Variants in ANKS1B observed in about 807,000 individuals in gnomAD.
ANKS1B encodes ankyrin repeat and sterile alpha motif domain-containing protein 1B.
A neutral mutation model predicts 148.3 loss-of-function variants in ANKS1B; 36 were observed. The observed-to-expected ratio is 0.24, with a 90% confidence interval of 0.19 to 0.32. The LOEUF (loss-of-function observed/expected upper bound fraction) is 0.32. ANKS1B is among the 10% of genes least tolerant of loss of function. The pLI, the probability that ANKS1B is intolerant of heterozygous loss-of-function variation, is 1.00. For synonymous variants in ANKS1B, 542 were observed against 560.8 expected (o/e 0.97, Z 0.47); for missense variants, 1,157 against 1,542.6 (o/e 0.75, Z 4.19).
intron 16 of ANKS1B, among the ~76,000 whole-genome samples, chr12:99,066,668 A>G (rs1456408418): frequency 6.6e-6 from 1 of 152,190 alleles, no homozygotes; most frequent in Non-Finnish European, 1.5e-5. Context: ...AGGTCTTTTC[A>G]GAGGCTGTGG....
intron 1 of ANKS1B, among the ~76,000 whole-genome samples, chr12:99,900,195 G>A (rs2153766923): frequency 1.3e-5 from 2 of 151,234 alleles, no homozygotes; most frequent in African/African-American, 2.4e-5. Flanking sequence ...CACCACTCCT[G>A]GCATAACAGT....
At chr12:99,777,058 T>C (rs2063726235) in intron 6 of ANKS1B, among the ~76,000 whole-genome samples, 2 of 152,218 alleles carry the variant, frequency 1.3e-5, no homozygotes, top group African/African-American at 4.8e-5. Flanking sequence ...ATATGTGATA[T>C]ATACAAAGCA....
At chr12:98,915,454 C>T (rs538410263) in intron 17 of ANKS1B, among the ~76,000 whole-genome samples, 8 of 152,210 alleles carry the variant, frequency 5.3e-5, no homozygotes, top group African/African-American at 9.6e-5. Flanking sequence ...CAGGTTCAAG[C>T]GATCCTCCTG....
At chr12:99,866,062 A>G (rs1470988904) in intron 1 of ANKS1B, among the ~76,000 whole-genome samples, 1 of 152,198 alleles carries the variant, frequency 6.6e-6, no homozygotes, top group Admixed American at 6.5e-5. Flanking sequence ...CGCTCCAACA[A>G]AACTATTGTG....
At chr12:99,129,649 T>G (rs1464221307) in intron 15 of ANKS1B, among the ~76,000 whole-genome samples, 2 of 152,196 alleles carry the variant, frequency 1.3e-5, no homozygotes, top group African/African-American at 4.8e-5. Context: ...TCCTCCACCT[T>G]GCTGTCAGTC....
In ANKS1B at chr12:99,558,000, C is replaced by T. The variant is rs75323215; in HGVS notation, c.1273-53359G>A. On this transcript the variant is annotated intron_variant, in intron 9 of 26. Coordinates refer to ENST00000683438, the MANE Select transcript of ANKS1B (RefSeq NM_001352186.2). ...TTTACCATGCCCCCAGCTTTGTTCTCTGACCCCTTGCAGTTAAGAACCTGC... is the reference window on the plus strand; with the variant it reads ...TTTACCATGCCCCCAGCTTTGTTCTTTGACCCCTTGCAGTTAAGAACCTGC... 2.7e-3 allele frequency among the ~76,000 whole-genome samples: 408 copies of T among 152,292 alleles called. 17 individuals carry two copies. The East Asian group carries it at 0.069, about 26-fold the overall frequency.
At chr12:99,184,897 AT>A (rs1290472450) in intron 14 of ANKS1B, among the ~76,000 whole-genome samples, 1 of 152,250 alleles carries the variant, frequency 6.6e-6, no homozygotes, top group African/African-American at 2.4e-5. Flanking sequence ...CTCTGGTTAA[AT>A]GGAAATTGAT....
chr12:99,664,491 CCA>C (rs1805654168), intron 8 of ANKS1B, among the ~76,000 whole-genome samples: 3 of 151,878 alleles, frequency 2.0e-5, no homozygotes, highest in African/African-American at 7.3e-5. Flanking sequence ...GTAGAATCCT[CCA>C]CAGTCAGCGT....
chr12:99,664,785 G>A (rs1169797117), intron 8 of ANKS1B, among the ~76,000 whole-genome samples: 1 of 152,046 alleles, frequency 6.6e-6, no homozygotes, highest in African/African-American at 2.4e-5. Context: ...TTTGGCATAA[G>A]TTTTCTGTAA....
chr12:99,453,107 G>A (rs1362289630), intron 10 of ANKS1B, among the ~76,000 whole-genome samples: 2 of 152,070 alleles, frequency 1.3e-5, no homozygotes, highest in African/African-American at 2.4e-5. Context: ...TGGCTAACAT[G>A]GTGAAACCCC....
chr12:99,729,065 A>G (rs1204191193), intron 8 of ANKS1B, among the ~76,000 whole-genome samples: 1 of 152,252 alleles, frequency 6.6e-6, no homozygotes, highest in Non-Finnish European at 1.5e-5. Flanking sequence ...CTGAATCTGT[A>G]GTACCTCCAA....
intron 17 of ANKS1B, among the ~76,000 whole-genome samples, chr12:98,906,427 T>C (rs1186460182): frequency 6.6e-6 from 1 of 152,188 alleles, no homozygotes; most frequent in Non-Finnish European, 1.5e-5. Context: ...GAGAGCCCCA[T>C]GTTCCTGGGG....
intron 12 of ANKS1B, among the ~76,000 whole-genome samples, chr12:99,287,524 A>G (rs559046002): frequency 6.6e-6 from 1 of 152,338 alleles, no homozygotes; most frequent in African/African-American, 2.4e-5. Flanking sequence ...ACAAGCATTA[A>G]GACCATTCAG....
chr12:98,948,774 C>G (rs964222605), intron 17 of ANKS1B, among the ~76,000 whole-genome samples: 3 of 144,652 alleles, frequency 2.1e-5, no homozygotes, highest in Non-Finnish European at 4.4e-5. Context: ...CACACCCCCC[C>G]CCACACACAC....
intron 15 of ANKS1B, among the ~76,000 whole-genome samples, chr12:99,102,920 T>G (rs902753476): frequency 7.9e-5 from 12 of 151,806 alleles, no homozygotes; most frequent in Admixed American, 2.0e-4. Flanking sequence ...CCGATAGATA[T>G]GTGTTTTGAA....
intron 8 of ANKS1B, among the ~76,000 whole-genome samples, chr12:99,756,397 C>T (rs371551068): frequency 8.6e-5 from 13 of 151,920 alleles, no homozygotes; most frequent in African/African-American, 2.9e-4. Context: ...AAGATTTCTA[C>T]AAGAACTACA....
At chr12:99,161,920 G>A (rs1034473277) in intron 14 of ANKS1B, among the ~76,000 whole-genome samples, 3 of 152,140 alleles carry the variant, frequency 2.0e-5, no homozygotes, top group African/African-American at 7.2e-5. Flanking sequence ...CTGTGCAGAT[G>A]GCCAAGGCTA....
At chr12:99,066,877 T>G (rs2044539451) in intron 16 of ANKS1B, among the ~76,000 whole-genome samples, 1 of 152,158 alleles carries the variant, frequency 6.6e-6, no homozygotes, top group South Asian at 2.1e-4. Flanking sequence ...GGTCTCAGCT[T>G]GAAGAGGACT....
At chr12:99,395,366 C>A (rs1214865685) in intron 12 of ANKS1B, among the ~76,000 whole-genome samples, 1 of 152,098 alleles carries the variant, frequency 6.6e-6, no homozygotes, top group Non-Finnish European at 1.5e-5. Context: ...CATAATCTAT[C>A]CCTCACCCTC....
Sources: gnomAD v4.1 joint callset for allele counts (sites outside exome capture counted in the v4.1 genomes callset) on GRCh38, gnomAD v4.1.1 for gene constraint, MANE v1.5 for transcripts, NCBI Gene and HGNC (gene_info 2026-07-23, HGNC 2026-07-21) for gene names.